The following SLC25A40 variants were observed in gnomAD, a reference collection of about 807,000 sequenced individuals.
SLC25A40 encodes mitochondrial glutathione transporter SLC25A40.
A neutral mutation model predicts 46.5 loss-of-function variants in SLC25A40; 41 were observed. That is an observed-to-expected ratio of 0.88 (90% CI 0.69 to 1.14). SLC25A40 has a LOEUF of 1.14. SLC25A40 is among the 50% of genes most tolerant of loss of function. SLC25A40 has a pLI of 0.00. For synonymous variants in SLC25A40, 126 were observed against 127.5 expected, an observed-to-expected ratio of 0.99 and a Z score of 0.08; for missense variants, 386 against 393.6, an observed-to-expected ratio of 0.98 and a Z score of 0.16.
At chr7:87,875,349 C>T (rs1293019381) in intron 1 of SLC25A40, among the ~76,000 whole-genome samples, 1 of 152,178 alleles carries the variant, frequency 6.6e-6, no homozygotes, top group East Asian at 1.9e-4. Context: ...AACCTGTTCT[C>T]TGCGTTCTCC....
At chr7:87,864,243 T>C (rs147889783) in intron 1 of SLC25A40, among the ~76,000 whole-genome samples, 34 of 152,310 alleles carry the variant, frequency 2.2e-4, no homozygotes, top group African/African-American at 7.2e-4. Context: ...TTAGGTGCAC[T>C]ATATTCAGGG....
At chr7:87,852,271 C>G (rs1305946621) in intron 5 of SLC25A40, among the ~76,000 whole-genome samples, 1 of 151,834 alleles carries the variant, frequency 6.6e-6, no homozygotes, top group African/African-American at 2.4e-5. Flanking sequence ...ATAGCGAAAA[C>G]AACTTTGAAA....
chr7:87,868,282 C>G (rs140994454), intron 1 of SLC25A40, among the ~76,000 whole-genome samples: 2 of 152,338 alleles, frequency 1.3e-5, no homozygotes, highest in East Asian at 3.9e-4. Context: ...CTGTGATACT[C>G]TCAAACCGTG....
chr7:87,851,335 A>G (rs1294687134), intron 5 of SLC25A40, among the ~76,000 whole-genome samples: 3 of 152,198 alleles, frequency 2.0e-5, no homozygotes, highest in Non-Finnish European at 2.9e-5. Context: ...AGGACTGCAT[A>G]TTTTCCCAGC....
intron 1 of SLC25A40, among the ~76,000 whole-genome samples, chr7:87,873,969 T>G (rs1293468674): frequency 6.6e-6 from 1 of 152,198 alleles, no homozygotes; most frequent in African/African-American, 2.4e-5. Flanking sequence ...TTTTCAAGCA[T>G]ATTTTCAAGA....
intron 1 of SLC25A40, among the ~76,000 whole-genome samples, chr7:87,862,573 G>A (rs1222954370): frequency 1.3e-5 from 2 of 152,148 alleles, no homozygotes; most frequent in Non-Finnish European, 2.9e-5. Context: ...TAAGCCAGAA[G>A]ACAGAACACT....
At chr7:87,853,666 A>C (rs755843355) in intron 5 of SLC25A40, among the ~76,000 whole-genome samples, 6 of 152,216 alleles carry the variant, frequency 3.9e-5, no homozygotes, top group Non-Finnish European at 7.4e-5. Flanking sequence ...ATGCTATGTA[A>C]AAAATGCCAA....
At chr7:87,873,397 T>C (rs562005026) in intron 1 of SLC25A40, among the ~76,000 whole-genome samples, 1 of 151,848 alleles carries the variant, frequency 6.6e-6, no homozygotes, top group Admixed American at 6.6e-5. Context: ...TCTTCATTTA[T>C]AGATAAGTAA....
chr7:87,838,661 C>T (rs1004005187), intron 10 of SLC25A40, among the ~76,000 whole-genome samples: 16 of 151,362 alleles, frequency 1.1e-4, no homozygotes, highest in African/African-American at 3.6e-4. Flanking sequence ...TAATCATTCT[C>T]ATCTTTCTTT....
At chr7:87,875,851 C>T (rs946204766) in intron 1 of SLC25A40, among the ~76,000 whole-genome samples, 1 of 152,204 alleles carries the variant, frequency 6.6e-6, no homozygotes, top group African/African-American at 2.4e-5. Context: ...AGACGCCCCC[C>T]GGGGCCGCCC....
rs1228695296 is a variant in SLC25A40 at position 87,836,348 on chromosome 7, G to C, written c.918C>G (p.Arg306=). ...FSGLFSGLIP[R]LIKIAPACAI... is the part of the protein sequence containing the mutation. ...CACAAGCAGGAGCAATTTTAATTAAGCGAGGAATTAGGCCTGAGAAAAGAA... is the reference window on the plus strand; with the variant it reads ...CACAAGCAGGAGCAATTTTAATTAACCGAGGAATTAGGCCTGAGAAAAGAA... Residue 306 remains arginine, a synonymous_variant, in exon 12 of 12, where the codon CGC becomes CGG. Transcript: ENST00000341119. 6.5e-7 allele frequency: 1 copy of C among 1,542,142 alleles called. No individual in the cohort carries two copies. The highest frequency in any genetic ancestry group is 8.7e-7 in the Non-Finnish European group (1 of 1,149,740).
In SLC25A40 at chr7:87,843,847, G is replaced by A. The variant is rs1838372765; in HGVS notation, c.648C>T (p.Asn216=). The change falls in exon 9 of 12, where the codon AAC becomes AAT. Residue 216 remains asparagine, a synonymous_variant. Coordinates refer to ENST00000341119, the MANE Select transcript of SLC25A40 (RefSeq NM_018843.4). ...DVPFSAMYWY[N]YEILKKWLCE... ...ATAACCACTTCTTTAAAATTTCATAGTTATACCAGTACATTGCTATAAAAA... is the reference window on the plus strand; with the variant it reads ...ATAACCACTTCTTTAAAATTTCATAATTATACCAGTACATTGCTATAAAAA... 1 of 1,597,720 alleles carries A rather than the reference G, an allele frequency of 6.3e-7. No individual in the cohort carries two copies. Among genetic ancestry groups the A allele is most frequent in the East Asian group, 2.2e-5 (1 of 44,594 alleles).
At chr7:87,857,187 A>G (rs2131011505) in intron 3 of SLC25A40, among the ~76,000 whole-genome samples, 1 of 152,366 alleles carries the variant, frequency 6.6e-6, no homozygotes, top group Non-Finnish European at 1.5e-5. Context: ...GTTAATGCAA[A>G]GTAAAGATTA....
intron 4 of SLC25A40, among the ~76,000 whole-genome samples, chr7:87,855,454 T>C (rs945405384): frequency 5.9e-5 from 9 of 152,108 alleles, no homozygotes; most frequent in Admixed American, 2.6e-4. Flanking sequence ...TAGTACAACT[T>C]TCTCTAATAC....
Position 87,841,518 on chromosome 7 carries a change from C to T in SLC25A40, c.823+115G>A, listed in dbSNP as rs1318110587. 31 of 570,294 alleles carry T rather than the reference C, an allele frequency of 5.4e-5. No individual in the cohort carries two copies. In the East Asian group the frequency reaches 1.1e-3, roughly 21 times the overall value. 35.3% of individuals were successfully genotyped at this position (570,294 alleles called of 1,614,324 possible). A position where few individuals can be genotyped will look rare whatever the true frequency, so the allele number is the denominator to read the frequency against. On this transcript the variant is annotated intron_variant, in intron 10 of 11. Transcript: ENST00000341119. ...AGTATATTACTTTCAGTAAAATACA[C>T]AAAGAATAATGCAGAAGAAAAAATC...
At chr7:87,840,407 C>G (rs946685029) in intron 10 of SLC25A40, among the ~76,000 whole-genome samples, 1 of 151,650 alleles carries the variant, frequency 6.6e-6, no homozygotes, top group East Asian at 1.9e-4. Flanking sequence ...TAGTTACCAA[C>G]GTAAGTGGCT....
intron 1 of SLC25A40, among the ~76,000 whole-genome samples, chr7:87,864,078 G>C (rs1398154220): frequency 6.6e-6 from 1 of 152,130 alleles, no homozygotes; most frequent in Non-Finnish European, 1.5e-5. Context: ...TGTCAGTTAG[G>C]GCTGTGTAGT....
At chr7:87,857,606 C>G (rs1584332378) in intron 3 of SLC25A40, among the ~76,000 whole-genome samples, 1 of 152,192 alleles carries the variant, frequency 6.6e-6, no homozygotes, top group African/African-American at 2.4e-5. Context: ...GGACATTTAC[C>G]AGTTCCCAAA....
intron 3 of SLC25A40, among the ~76,000 whole-genome samples, chr7:87,857,054 A>G (rs1252464096): frequency 2.6e-5 from 4 of 152,196 alleles, no homozygotes; most frequent in Admixed American, 2.6e-4. Context: ...ATTTACATAA[A>G]CTAGCCAACT....
Sources: allele counts gnomAD v4.1 joint callset (sites outside exome capture counted in the v4.1 genomes callset), GRCh38; gene constraint gnomAD v4.1.1; transcripts MANE v1.5; gene names NCBI Gene and HGNC (gene_info 2026-07-23, HGNC 2026-07-21).